Variants in CACNA2D1 observed in about 807,000 individuals in gnomAD.
CACNA2D1 encodes voltage-dependent calcium channel subunit alpha-2/delta-1.
CACNA2D1 carries 53 observed loss-of-function variants against 171.5 expected under a neutral mutation model. The observed-to-expected ratio is 0.31, with a 90% confidence interval of 0.25 to 0.39. CACNA2D1 has a LOEUF of 0.39. Ranked by LOEUF, CACNA2D1 falls within the 10% of genes least tolerant of loss-of-function variation. The pLI, the probability that CACNA2D1 is intolerant of heterozygous loss-of-function variation, is 1.00. For missense variants in CACNA2D1, 903 were observed against 1,299.8 expected, an observed-to-expected ratio of 0.69 and a Z score of 4.69; for synonymous variants, 442 against 443.1, an observed-to-expected ratio of 1.00 and a Z score of 0.03.
At position 81,959,753 on chromosome 7, in the gene CACNA2D1, C is replaced by A; in HGVS notation, c.3043G>T (p.Asp1015Tyr). ...MVESKGTCPC[D>Y]TRLLIQAEQT... is the part of the protein sequence containing the mutation. ...TCCGCTTGTATGAGCAGTCGTGTGT[C>A]ACATGGACATGTCCCTTTGCTCTCA... Residue 1015 changes from aspartate to tyrosine, a missense_variant, in exon 37 of 39, where the codon GAC becomes TAC. Asp to Tyr is a radical substitution (Grantham distance 160). Coordinates refer to ENST00000356860, the MANE Select transcript of CACNA2D1 (RefSeq NM_000722.4). 1 of 1,612,748 alleles carries A rather than the reference C, an allele frequency of 6.2e-7. No individual in the cohort carries two copies.
chr7:82,443,366 T>C lies in CACNA2D1; in HGVS notation c.94A>G (p.Thr32Ala). ...SSEEPFPSAV[T>A]IKSWVDKMQE... is the part of the protein sequence containing the mutation. ...TCCCTGCCCGGCCCGCCGACTTACG[T>C]GACGGCCGAAGGGAACGGCTCCTCC... The change falls in exon 1 of 39, where the codon ACT (threonine) becomes GCT (alanine). Residue 32 changes from threonine (T) to alanine (A), a missense_variant and splice_region_variant. Transcript: ENST00000356860. 1 of 1,598,630 alleles carries C rather than the reference T, an allele frequency of 6.3e-7. No homozygotes were observed. Among genetic ancestry groups the C allele is most frequent in the Non-Finnish European group, 8.5e-7 (1 of 1,172,232 alleles).
At chr7:82,408,384 GAGA>G (rs1398093117) in intron 1 of CACNA2D1, among the ~76,000 whole-genome samples, 1 of 152,036 alleles carries the variant, frequency 6.6e-6, no homozygotes, top group East Asian at 1.9e-4. Flanking sequence ...ACAGCAGAGT[GAGA>G]AGAACAATGC....
intron 1 of CACNA2D1, among the ~76,000 whole-genome samples, chr7:82,406,434 C>T (rs1827055610): frequency 2.0e-5 from 3 of 152,130 alleles, no homozygotes; most frequent in South Asian, 2.1e-4. Flanking sequence ...GGTCAAATGG[C>T]ATTTCTAGTT....
chr7:82,266,629 G>C (rs1050892452), intron 3 of CACNA2D1, among the ~76,000 whole-genome samples: 1 of 151,848 alleles, frequency 6.6e-6, no homozygotes, highest in Admixed American at 6.6e-5. Context: ...CTATTCTCCT[G>C]CCTCAGCCTC....
At chr7:82,270,085 TC>T (rs1343615590) in intron 3 of CACNA2D1, among the ~76,000 whole-genome samples, 3 of 152,312 alleles carry the variant, frequency 2.0e-5, no homozygotes, top group African/African-American at 7.2e-5. Flanking sequence ...TATCTTGAAT[TC>T]CAGCTTTATA....
chr7:81,972,611 G>A (rs1795394130), intron 25 of CACNA2D1, among the ~76,000 whole-genome samples: 1 of 151,696 alleles, frequency 6.6e-6, no homozygotes. Context: ...GATAATTGAG[G>A]AAACAGGTGA....
chr7:82,092,540 C>CTTTTTTTTTTTTTTTT (rs71093360), intron 6 of CACNA2D1, among the ~76,000 whole-genome samples: 1 of 102,702 alleles, frequency 9.7e-6, no homozygotes, highest in Non-Finnish European at 1.8e-5. Flanking sequence ...GCCCAGCTAA[C>CTTTTTTTTTTTTTTTT]TTTTTTTTTT....
intron 6 of CACNA2D1, among the ~76,000 whole-genome samples, chr7:82,106,984 A>G (rs1197093085): frequency 2.6e-5 from 4 of 152,172 alleles, no homozygotes; most frequent in Non-Finnish European, 2.9e-5. Context: ...GTCCTCCATG[A>G]GGCTTTCCTA....
intron 1 of CACNA2D1, among the ~76,000 whole-genome samples, chr7:82,373,839 G>T (rs951572814): frequency 6.6e-6 from 1 of 152,174 alleles, no homozygotes; most frequent in Non-Finnish European, 1.5e-5. Flanking sequence ...AGTTCAGTGT[G>T]ATCATACATT....
rs3054677 is a variant in CACNA2D1, at chr7:82,288,422, TACACACACACACACAC to T, written c.294+46697_294+46712del. Among the ~76,000 whole-genome samples the T allele has an allele frequency of 2.1e-3, 304 of 147,378 alleles. 2 individuals are homozygous for T. Among genetic ancestry groups the T allele is most frequent in the South Asian group, 0.013 (58 of 4,528 alleles). On this transcript the variant is annotated intron_variant, in intron 3 of 38. Coordinates refer to ENST00000356860, the MANE Select transcript of CACNA2D1 (RefSeq NM_000722.4). ...TAAAAGATGTATTATTTTGCTTCTA[TACACACACACACACAC>T]ACACACACACACACACACACATTTG...
At position 82,170,621 on chromosome 7, in the gene CACNA2D1, A is replaced by ACAATAAAT. The variant is rs1339567240; in HGVS notation, c.295-20_295-13dup. Reference sequence around the variant, plus strand: ...TCCAATGCCAGGCGCTGAAAAACAAACAATAAATCTTAGAATTCAAATGAA... The same window carrying ACAATAAAT: ...TCCAATGCCAGGCGCTGAAAAACAAACAATAAATCAATAAATCTTAGAATTCAAATGAA... On this transcript the variant is annotated splice_polypyrimidine_tract_variant and intron_variant, in intron 3 of 38. Transcript: ENST00000356860. The ACAATAAAT allele has an allele frequency of 6.2e-7, 1 of 1,611,532 alleles. No individual in the cohort carries two copies. The highest frequency in any genetic ancestry group is 8.5e-7 in the Non-Finnish European group (1 of 1,178,126).
intron 7 of CACNA2D1, among the ~76,000 whole-genome samples, chr7:82,078,519 A>G (rs1232986375): frequency 6.6e-6 from 1 of 152,184 alleles, no homozygotes; most frequent in African/African-American, 2.4e-5. Flanking sequence ...GAGCTTCTAA[A>G]GGAAAGAACT....
intron 37 of CACNA2D1, among the ~76,000 whole-genome samples, 159 bp from the exon 38 acceptor site, chr7:81,959,516 T>C (rs967395304): frequency 3.3e-5 from 5 of 152,090 alleles, no homozygotes. Context: ...AAGAACTAAA[T>C]TGTGAATTAT....
intron 11 of CACNA2D1, among the ~76,000 whole-genome samples, chr7:82,034,898 G>A (rs925265915): frequency 6.6e-6 from 1 of 152,020 alleles, no homozygotes; most frequent in African/African-American, 2.4e-5. Flanking sequence ...GAAGGAATAT[G>A]GGGAAAATAA....
At chr7:82,241,429 T>G (rs1034606120) in intron 3 of CACNA2D1, among the ~76,000 whole-genome samples, 1 of 152,190 alleles carries the variant, frequency 6.6e-6, no homozygotes, top group Non-Finnish European at 1.5e-5. Context: ...CCACACTGAA[T>G]TGCTTTTTCA....
intron 7 of CACNA2D1, among the ~76,000 whole-genome samples, chr7:82,073,059 T>A (rs1199655419): frequency 6.6e-6 from 1 of 152,100 alleles, no homozygotes; most frequent in Non-Finnish European, 1.5e-5. Flanking sequence ...CCATTCCACC[T>A]CCCTGATGCA....
intron 20 of CACNA2D1, among the ~76,000 whole-genome samples, chr7:81,992,094 C>A (rs879555836): frequency 6.6e-6 from 1 of 151,512 alleles, no homozygotes; most frequent in South Asian, 2.1e-4. Context: ...CCACCCGCCT[C>A]GGCCTCCCAA....
At chr7:82,364,721 T>C (rs1489946413) in intron 1 of CACNA2D1, among the ~76,000 whole-genome samples, 2 of 152,206 alleles carry the variant, frequency 1.3e-5, no homozygotes, top group Non-Finnish European at 2.9e-5. Flanking sequence ...ATAGTGTATA[T>C]ACTTTCCATC....
intron 3 of CACNA2D1, among the ~76,000 whole-genome samples, chr7:82,332,970 G>A (rs1817560161): frequency 6.6e-6 from 1 of 152,194 alleles, no homozygotes; most frequent in Non-Finnish European, 1.5e-5. Flanking sequence ...CTGCACTCCA[G>A]GCTAGGCAAT....
Sources: gnomAD v4.1 joint callset for allele counts (sites outside exome capture counted in the v4.1 genomes callset) on GRCh38, gnomAD v4.1.1 for gene constraint, MANE v1.5 for transcripts, NCBI Gene and HGNC (gene_info 2026-07-23, HGNC 2026-07-21) for gene names.